Variants in ST6GALNAC5 observed in about 807,000 individuals in gnomAD.
ST6GALNAC5 encodes the protein ST6 N-acetylgalactosaminide alpha-2,6-sialyltransferase 5, also known as alpha-N-acetylgalactosaminide alpha-2,6-sialyltransferase 5.
In ST6GALNAC5, 27 loss-of-function variants were observed where a neutral mutation model predicts 33.6. The ratio of observed to expected loss-of-function variants is 0.80; its 90% CI spans 0.59 to 1.11. The LOEUF (loss-of-function observed/expected upper bound fraction) is 1.11. Ranked by LOEUF, ST6GALNAC5 falls within the 50% of genes least tolerant of loss-of-function variation. The pLI is 0.00. For missense variants in ST6GALNAC5, 428 were observed against 454.0 expected, an observed-to-expected ratio of 0.94 and a Z score of 0.52; for synonymous variants, 194 against 171.2, an observed-to-expected ratio of 1.13 and a Z score of -1.04.
chr1:76,938,932 G>A (rs1146672), intron 2 of ST6GALNAC5, among the ~76,000 whole-genome samples: 87,400 of 151,968 alleles, frequency 0.58, 25,379 homozygotes, highest in South Asian at 0.62. Context: ...TTAAGCATTC[G>A]AATTCCACAG....
chr1:76,884,731 C>A (rs1653855095), intron 2 of ST6GALNAC5, among the ~76,000 whole-genome samples: 1 of 152,096 alleles, frequency 6.6e-6, no homozygotes. Flanking sequence ...GGTGGTTTGT[C>A]ATGGGCTTTT....
At chr1:77,036,499 C>G (rs1338309996) in intron 2 of ST6GALNAC5, among the ~76,000 whole-genome samples, 1 of 152,218 alleles carries the variant, frequency 6.6e-6, no homozygotes, top group Non-Finnish European at 1.5e-5. Flanking sequence ...ATTTCCTGCA[C>G]CTCCCTCTGA....
At chr1:77,036,198 A>G (rs544192580) in intron 2 of ST6GALNAC5, among the ~76,000 whole-genome samples, 1 of 152,336 alleles carries the variant, frequency 6.6e-6, no homozygotes, top group Non-Finnish European at 1.5e-5. Flanking sequence ...CATTTATGCG[A>G]AATGTCCAGA....
At chr1:76,923,312 G>A (rs972520168) in intron 2 of ST6GALNAC5, among the ~76,000 whole-genome samples, 2 of 151,978 alleles carry the variant, frequency 1.3e-5, no homozygotes, top group Admixed American at 1.3e-4. Flanking sequence ...GGACAATCAG[G>A]AACAGAGAAT....
intron 2 of ST6GALNAC5, among the ~76,000 whole-genome samples, chr1:76,977,724 A>T (rs1050871265): frequency 2.0e-5 from 3 of 152,198 alleles, no homozygotes; most frequent in Admixed American, 1.3e-4. Flanking sequence ...CCATTCATCT[A>T]TGGATAGGCA....
At chr1:77,019,139 G>A (rs978479696) in intron 2 of ST6GALNAC5, among the ~76,000 whole-genome samples, 3 of 152,178 alleles carry the variant, frequency 2.0e-5, no homozygotes, top group Non-Finnish European at 2.9e-5. Context: ...AGGGCAGGGG[G>A]GAGATACCCC....
chr1:76,869,250 G>T (rs1039120121), intron 2 of ST6GALNAC5, among the ~76,000 whole-genome samples: 1 of 152,170 alleles, frequency 6.6e-6, no homozygotes, highest in Non-Finnish European at 1.5e-5. Flanking sequence ...CAGCCCTGGG[G>T]AGTGGTGCCC....
chr1:76,895,512 C>A (rs903451120), intron 2 of ST6GALNAC5, among the ~76,000 whole-genome samples: 11 of 152,224 alleles, frequency 7.2e-5, no homozygotes, highest in African/African-American at 2.6e-4. Context: ...AATGGAATAA[C>A]AGAAGGAGAA....
chr1:77,030,591 C>T (rs377696436), intron 2 of ST6GALNAC5, among the ~76,000 whole-genome samples: 147 of 152,250 alleles, frequency 9.7e-4, no homozygotes, highest in South Asian at 8.5e-3. Context: ...CTAGAATACT[C>T]GAGACATCTC....
intron 2 of ST6GALNAC5, among the ~76,000 whole-genome samples, chr1:76,945,724 C>T (rs903552005): frequency 3.3e-5 from 5 of 152,036 alleles, no homozygotes; most frequent in African/African-American, 7.2e-5. Context: ...AGTTTCCCTC[C>T]GGTTCTCCAG....
chr1:76,974,785 T>TAA (rs1648935752), intron 2 of ST6GALNAC5, among the ~76,000 whole-genome samples: 1 of 127,380 alleles, frequency 7.9e-6, no homozygotes, highest in Non-Finnish European at 1.7e-5. Context: ...TTTTTTTTTT[T>TAA]TTTTTTTTTT....
intron 2 of ST6GALNAC5, among the ~76,000 whole-genome samples, chr1:77,017,741 G>A (rs763445998): frequency 6.6e-6 from 1 of 152,228 alleles, no homozygotes; most frequent in Non-Finnish European, 1.5e-5. Context: ...GATTTTGTAA[G>A]TCTCAATAGT....
chr1:76,896,182 G>T (rs1227947388), intron 2 of ST6GALNAC5, among the ~76,000 whole-genome samples: 1 of 152,174 alleles, frequency 6.6e-6, no homozygotes, highest in Admixed American at 6.5e-5. Context: ...GGGAAGAAAT[G>T]ACTATGGTGG....
intron 1 of ST6GALNAC5, 78 bp downstream of exon 1, chr1:76,867,768 C>A: frequency 6.2e-7 from 1 of 1,605,780 alleles, no homozygotes; most frequent in South Asian, 1.1e-5. Context: ...ACCGTGGAGA[C>A]TCCGAGACGC....
At chr1:77,027,491 C>A (rs1651290654) in intron 2 of ST6GALNAC5, among the ~76,000 whole-genome samples, 1 of 152,150 alleles carries the variant, frequency 6.6e-6, no homozygotes, top group Admixed American at 6.5e-5. Flanking sequence ...GCAAACAAAC[C>A]ACCATTATAA....
chr1:76,871,796 G>T (rs1653511034), intron 2 of ST6GALNAC5, among the ~76,000 whole-genome samples: 1 of 152,110 alleles, frequency 6.6e-6, no homozygotes, highest in Non-Finnish European at 1.5e-5. Flanking sequence ...GGAGTTTCTT[G>T]TCATAATGAA....
rs552411649 is a variant in ST6GALNAC5 at position 76,922,935 on chromosome 1, CAAAAA to C, written c.261+54203_261+54207del. ...TAGGTGACAGAGTGAAACCTTGCCT[CAAAAA>C]AAAAAAAAAGAAAAAAGAAAAGAAA... is the stretch of plus-strand genomic sequence containing the variant. On this transcript the variant is annotated intron_variant, in intron 2 of 4. Coordinates refer to ENST00000477717, the MANE Select transcript of ST6GALNAC5 (RefSeq NM_030965.3). Among the ~76,000 whole-genome samples the C allele has an allele frequency of 3.2e-5, 3 of 93,430 alleles. No individual in the cohort carries two copies. In the East Asian group the frequency reaches 9.2e-4, roughly 29 times the overall value. The allele number at this position is 93,430 out of a possible 152,430, so 61.3% of individuals were successfully genotyped here.
intron 2 of ST6GALNAC5, among the ~76,000 whole-genome samples, chr1:77,034,591 G>A (rs575476362): frequency 2.6e-5 from 4 of 152,276 alleles, no homozygotes; most frequent in African/African-American, 9.6e-5. Context: ...CCCAGCTTCT[G>A]GGGTAAGCAA....
chr1:77,012,371 A>G (rs1210291644), intron 2 of ST6GALNAC5, among the ~76,000 whole-genome samples: 1 of 152,232 alleles, frequency 6.6e-6, no homozygotes, highest in East Asian at 1.9e-4. Context: ...CAGGAATTCC[A>G]GGTTACTCCT....
Sources: gnomAD v4.1 joint callset for allele counts (sites outside exome capture counted in the v4.1 genomes callset) on GRCh38, gnomAD v4.1.1 for gene constraint, MANE v1.5 for transcripts, NCBI Gene and HGNC (gene_info 2026-07-23, HGNC 2026-07-21) for gene names.